THUMPD3: variants seen among roughly 807,000 people sequenced by gnomAD.
THUMPD3 encodes tRNA (guanine(6)-N(2))-methyltransferase THUMP3.
THUMPD3 carries 44 observed loss-of-function variants against 54.5 expected under a neutral mutation model. The observed-to-expected ratio is 0.81, with a 90% CI of 0.63 to 1.04. THUMPD3 has a LOEUF of 1.04. Among genes scored for constraint, THUMPD3 ranks in the 50% least tolerant of loss-of-function variants. The pLI is 0.00. For synonymous variants in THUMPD3, 196 were observed against 201.4 expected, an observed-to-expected ratio of 0.97 and a Z score of 0.23; for missense variants, 604 against 601.3, an observed-to-expected ratio of 1.00 and a Z score of -0.05.
At chr3:9,377,645 G>C (rs1300727856) in intron 5 of THUMPD3, among the ~76,000 whole-genome samples, 174 bp from the exon 6 acceptor site, 1 of 152,172 alleles carries the variant, frequency 6.6e-6, no homozygotes, top group Non-Finnish European at 1.5e-5. Flanking sequence ...AAAGTGCTGG[G>C]ATTACAGGCG....
Position 9,383,205 on chromosome 3 carries a change from C to T in THUMPD3, c.1131C>T (p.Pro377=). The change falls in exon 8 of 10, where the codon CCC becomes CCT. Residue 377 remains proline (P), a synonymous_variant. Transcript: ENST00000452837. Reference sequence around the variant, plus strand: ...CTTTCCTTTGTCCCCACAGCAAACCCTCCTGGGGCTTGCCCATAGATGCTG... The same window carrying T: ...CTTTCCTTTGTCCCCACAGCAAACCTTCCTGGGGCTTGCCCATAGATGCTG... ...LTKSQIKEGK[P]SWGLPIDAVQ... is the part of the protein sequence containing the mutation. The T allele has an allele frequency of 6.2e-7, 1 of 1,613,558 alleles. No homozygotes were observed. The highest frequency in any genetic ancestry group is 8.5e-7 in the Non-Finnish European group (1 of 1,179,472).
chr3:9,381,756 CTTTTTTTTTTTTTTTTTTTTTTTT>C lies in THUMPD3; in HGVS notation c.1124+1156_1124+1179del, dbSNP rs753480713. On this transcript the variant is annotated intron_variant, in intron 7 of 9. Coordinates refer to ENST00000452837, the MANE Select transcript of THUMPD3 (RefSeq NM_001114092.2). The stretch of plus-strand genomic sequence containing the variant: ...ACCTACACTGTCTGTTCAACCCGTA[CTTTTTTTTTTTTTTTTTTTTTTTT>C]TTTTTTTTTTTTTTTTTGAGACGGA... Among the ~76,000 whole-genome samples the C allele has an allele frequency of 3.9e-3, 172 of 44,372 alleles. 1 individual carries two copies. The highest frequency in any genetic ancestry group is 2.1e-3 in the African/African-American group (20 of 9,754). 29.1% of individuals were successfully genotyped at this position (44,372 alleles called of 152,430 possible). A position where few individuals can be genotyped will look rare whatever the true frequency, so the allele number is the denominator to read the frequency against.
chr3:9,384,483 A>G, intron 9 of THUMPD3, 41 bp from the exon 10 acceptor site: 1 of 1,611,966 alleles, frequency 6.2e-7, no homozygotes, highest in Non-Finnish European at 8.5e-7. Flanking sequence ...ATGTAAAAGT[A>G]GATTGTCAAC....
intron 7 of THUMPD3, among the ~76,000 whole-genome samples, chr3:9,382,713 A>G (rs1392493034): frequency 1.3e-5 from 2 of 152,090 alleles, no homozygotes; most frequent in African/African-American, 2.4e-5. Context: ...CTGCATTACA[A>G]TCATGTTTTC....
At chr3:9,364,912 CA>C (rs2125305453) in intron 1 of THUMPD3, 103 bp from the exon 2 acceptor site, 1 of 886,810 alleles carries the variant, frequency 1.1e-6, no homozygotes, top group East Asian at 2.6e-5. Flanking sequence ...GACTGTTTAT[CA>C]GATGTGTTGC....
Position 9,374,519 on chromosome 3 carries a change from C to A in THUMPD3, c.811C>A (p.Leu271Ile). 1 of 1,613,160 alleles carries A rather than the reference C, an allele frequency of 6.2e-7. No individual in the cohort carries two copies. Among genetic ancestry groups the A allele is most frequent in the Non-Finnish European group, 8.5e-7 (1 of 1,179,656 alleles). ...ADMTNFDVEV[L>I]LNIHDNEVIV... ...GTCTTGTTCCACTTTGCTATAGGTT[C>A]TTTTGAACATCCATGATAATGAAGT... is the stretch of plus-strand genomic sequence containing the variant. The change falls in exon 5 of 10, where the codon CTT becomes ATT. Residue 271 changes from leucine (L) to isoleucine (I), a missense_variant. Leu to Ile is a conservative substitution (Grantham distance 5). Coordinates refer to ENST00000452837, the MANE Select transcript of THUMPD3 (RefSeq NM_001114092.2).
At chr3:9,384,111 A>T (rs891808448) in intron 8 of THUMPD3, 101 bp from the exon 9 acceptor site, 1 of 1,313,410 alleles carries the variant, frequency 7.6e-7, no homozygotes, top group Non-Finnish European at 1.0e-6. Flanking sequence ...AACTACAGCT[A>T]TTTTTCATGC....
rs771022162 is a variant in THUMPD3, at chr3:9,371,452, C to T, written c.723C>T (p.Thr241=). ...CNRAGEKHCF[T]SNEAARDFGG... ...GGGCAGGAGAGAAACATTGCTTTAC[C>T]TCAAATGAGGCTGCAAGAGATTTTG... is the stretch of plus-strand genomic sequence containing the variant. The change falls in exon 4 of 10, where the codon ACC becomes ACT. Residue 241 remains threonine (T), a synonymous_variant. Coordinates refer to ENST00000452837, the MANE Select transcript of THUMPD3 (RefSeq NM_001114092.2). 6.2e-7 allele frequency: 1 copy of T among 1,614,156 alleles called. No homozygotes were observed. Among genetic ancestry groups the T allele is most frequent in the Non-Finnish European group, 8.5e-7 (1 of 1,180,040 alleles).
chr3:9,379,756 A>T (rs1212417986), intron 6 of THUMPD3, among the ~76,000 whole-genome samples: 1 of 152,072 alleles, frequency 6.6e-6, no homozygotes, highest in Admixed American at 6.5e-5. Context: ...GCAGTGGTGT[A>T]ATCTCAGCTC....
At chr3:9,372,353 G>A (rs2032116076) in intron 4 of THUMPD3, among the ~76,000 whole-genome samples, 1 of 152,142 alleles carries the variant, frequency 6.6e-6, no homozygotes, top group Admixed American at 6.5e-5. Flanking sequence ...GCCGAGGCAG[G>A]TGGATCACTT....
At position 9,371,552 on chromosome 3, in the gene THUMPD3, G is replaced by A; in HGVS notation, c.807+16G>A. ...TGATGTGGAGGTAGGTATAGGCTCTGACTGTGGTGATTGAAGAATGCTGTC... is the reference window on the plus strand; with the variant it reads ...TGATGTGGAGGTAGGTATAGGCTCTAACTGTGGTGATTGAAGAATGCTGTC... On this transcript the variant is annotated intron_variant, in intron 4 of 9. Coordinates refer to ENST00000452837, the MANE Select transcript of THUMPD3 (RefSeq NM_001114092.2). 6.3e-7 allele frequency: 1 copy of A among 1,575,976 alleles called. No individual in the cohort carries two copies. Among genetic ancestry groups the A allele is most frequent in the Non-Finnish European group, 8.6e-7 (1 of 1,156,158 alleles).
At chr3:9,384,071 G>C in intron 8 of THUMPD3, 141 bp from the exon 9 acceptor site, 1 of 1,033,472 alleles carries the variant, frequency 9.7e-7, no homozygotes, top group Non-Finnish European at 1.4e-6. Flanking sequence ...TTATTTCATA[G>C]ACATGTAATG....
chr3:9,365,806 G>T (rs2125307274), intron 2 of THUMPD3, among the ~76,000 whole-genome samples: 1 of 152,186 alleles, frequency 6.6e-6, no homozygotes, highest in Non-Finnish European at 1.5e-5. Context: ...TGGCCAGGCT[G>T]GTCTCGAACT....
At chr3:9,381,947 T>C (rs1402712874) in intron 7 of THUMPD3, among the ~76,000 whole-genome samples, 1 of 146,452 alleles carries the variant, frequency 6.8e-6, no homozygotes, top group Non-Finnish European at 1.5e-5. Flanking sequence ...GCCCGGCTTA[T>C]TTTTTTTTTG....
intron 5 of THUMPD3, among the ~76,000 whole-genome samples, chr3:9,376,566 T>G (rs949902198): frequency 1.3e-5 from 2 of 152,156 alleles, no homozygotes; most frequent in Non-Finnish European, 2.9e-5. Flanking sequence ...TATTGCCATG[T>G]GTTGAGGAGT....
rs2033057629 is a variant in THUMPD3 at position 9,383,227 on chromosome 3, G to A, written c.1153G>A (p.Ala385Thr). The change falls in exon 8 of 10, where the codon GCT becomes ACT. Residue 385 changes from alanine (A) to threonine (T), a missense_variant. Coordinates refer to ENST00000452837, the MANE Select transcript of THUMPD3 (RefSeq NM_001114092.2). ...ACCCTCCTGGGGCTTGCCCATAGAT[G>A]CTGTTCAGTGGGATATCTGCAATCT... ...GKPSWGLPID[A>T]VQWDICNLPL... The A allele has an allele frequency of 6.2e-7, 1 of 1,613,892 alleles. No homozygotes were observed. Among genetic ancestry groups the A allele is most frequent in the African/African-American group, 1.3e-5 (1 of 74,916 alleles).
Position 9,371,486 on chromosome 3 carries a change from G to A in THUMPD3, c.757G>A (p.Val253Ile). 6.2e-7 allele frequency: 1 copy of A among 1,614,082 alleles called. No individual in the cohort carries two copies. The highest frequency in any genetic ancestry group is 8.5e-7 in the Non-Finnish European group (1 of 1,180,000). ...GGCTGCAAGAGATTTTGGGGGTGCT[G>A]TTCAAGATTATTTTAAGTGGAAGGC... ...NEAARDFGGA[V>I]QDYFKWKADM... The change falls in exon 4 of 10, where the codon GTT (valine) becomes ATT (isoleucine). Residue 253 changes from valine (V) to isoleucine (I), a missense_variant. Coordinates refer to ENST00000452837, the MANE Select transcript of THUMPD3 (RefSeq NM_001114092.2).
At chr3:9,368,334 C>G (rs1023560875) in intron 3 of THUMPD3, among the ~76,000 whole-genome samples, 1 of 150,010 alleles carries the variant, frequency 6.7e-6, no homozygotes, top group Non-Finnish European at 1.5e-5. Flanking sequence ...GCACCTGGCC[C>G]CCATTCCCCA....
At chr3:9,374,725 ATG>A in intron 5 of THUMPD3, 79 bp downstream of exon 5, 1 of 1,518,512 alleles carries the variant, frequency 6.6e-7, no homozygotes, top group South Asian at 1.2e-5. Context: ...ATTTGTGTGT[ATG>A]TGTGTTTGAG....
Sources: allele counts gnomAD v4.1 joint callset (sites outside exome capture counted in the v4.1 genomes callset), GRCh38; gene constraint gnomAD v4.1.1; transcripts MANE v1.5; gene names NCBI Gene and HGNC (gene_info 2026-07-23, HGNC 2026-07-21).